Variants in NTRK2 observed in about 807,000 individuals in gnomAD.
NTRK2 encodes BDNF/NT-3 growth factors receptor.
Under a neutral mutation model 94.5 loss-of-function variants are expected in NTRK2, and 13 were observed. The ratio of observed to expected loss-of-function variants is 0.14; its 90% CI spans 0.09 to 0.22. The LOEUF is 0.22. Ranked by LOEUF, NTRK2 falls within the 10% of genes least tolerant of loss-of-function variation. The pLI is 1.00. For missense variants in NTRK2, 639 were observed against 1,071.2 expected, an observed-to-expected ratio of 0.60 and a Z score of 5.63; for synonymous variants, 372 against 407.4, an observed-to-expected ratio of 0.91 and a Z score of 1.05.
intron 12 of NTRK2, among the ~76,000 whole-genome samples, chr9:84,783,414 A>C (rs1028517066): frequency 1.1e-4 from 17 of 152,330 alleles, no homozygotes; most frequent in African/African-American, 3.6e-4. Flanking sequence ...CCTGAGTCAG[A>C]TTCATCCCTG....
chr9:84,850,047 G>A (rs557119861), intron 12 of NTRK2, among the ~76,000 whole-genome samples: 1 of 152,156 alleles, frequency 6.6e-6, no homozygotes, highest in Non-Finnish European at 1.5e-5. Flanking sequence ...GCAGAATGTG[G>A]TGTTTATCAT....
chr9:84,826,742 A>G (rs1437025428), intron 12 of NTRK2, among the ~76,000 whole-genome samples: 1 of 152,228 alleles, frequency 6.6e-6, no homozygotes, highest in African/African-American at 2.4e-5. Flanking sequence ...CAATGCATGT[A>G]TCTAGTACTT....
intron 14 of NTRK2, among the ~76,000 whole-genome samples, chr9:84,926,816 C>T (rs999548081): frequency 6.6e-6 from 1 of 152,224 alleles, no homozygotes; most frequent in African/African-American, 2.4e-5. Context: ...TTTGTCAACT[C>T]CATGCCCAAA....
intron 14 of NTRK2, chr9:84,877,922 G>C: frequency 9.8e-7 from 1 of 1,016,822 alleles, no homozygotes. Flanking sequence ...GCCTACTTTC[G>C]TCACCTGCTA....
chr9:84,736,046 C>T (rs891608225), intron 9 of NTRK2, among the ~76,000 whole-genome samples: 1 of 152,188 alleles, frequency 6.6e-6, no homozygotes. Flanking sequence ...GTGAACATCA[C>T]GTTGATGCAA....
rs77205185 is a variant in NTRK2 at position 85,023,162 on chromosome 9, A to G, written c.*1725A>G. The G allele has an allele frequency of 2.3e-3, 531 of 233,048 alleles. 7 individuals carry two copies. Among genetic ancestry groups the G allele is most frequent in the East Asian group, 0.02 (327 of 16,548 alleles). The allele number at this position is 233,048 out of a possible 1,614,324, so 14.4% of individuals were successfully genotyped here. A position where few individuals can be genotyped will look rare whatever the true frequency, so the allele number is the denominator to read the frequency against. On this transcript the variant is annotated 3_prime_UTR_variant, in exon 19 of 19. Transcript: ENST00000277120. ...AAAAGAGGGCTCAAATTTAAATAGA[A>G]ATTTACAGCTATTTGAATGGTCAGA...
At chr9:85,014,277 C>A (rs1831970204) in intron 17 of NTRK2, among the ~76,000 whole-genome samples, 1 of 152,146 alleles carries the variant, frequency 6.6e-6, no homozygotes, top group African/African-American at 2.4e-5. Context: ...ATGATAAATG[C>A]ATTTTCTAAG....
intron 12 of NTRK2, among the ~76,000 whole-genome samples, chr9:84,859,954 G>A (rs968168742): frequency 2.5e-4 from 38 of 152,230 alleles, no homozygotes; most frequent in African/African-American, 8.9e-4. Flanking sequence ...AGTAAAATTC[G>A]GATTAGAAGT....
chr9:84,882,760 A>G (rs1435713308), intron 14 of NTRK2, among the ~76,000 whole-genome samples: 1 of 151,332 alleles, frequency 6.6e-6, no homozygotes, highest in Non-Finnish European at 1.5e-5. Context: ...AACTAGAAAT[A>G]CTTTCTTTTA....
At chr9:84,826,300 C>A (rs2073184645) in intron 12 of NTRK2, among the ~76,000 whole-genome samples, 2 of 152,214 alleles carry the variant, frequency 1.3e-5, no homozygotes, top group African/African-American at 4.8e-5. Context: ...AGCTGTATCA[C>A]TCCAGTCACT....
At chr9:84,743,712 G>GTAT (rs1419851028) in intron 10 of NTRK2, among the ~76,000 whole-genome samples, 1 of 152,086 alleles carries the variant, frequency 6.6e-6, no homozygotes, top group African/African-American at 2.4e-5. Flanking sequence ...GGATCTTTTG[G>GTAT]CCAAAATGTC....
At chr9:84,732,464 G>C (rs1360364836) in intron 9 of NTRK2, among the ~76,000 whole-genome samples, 2 of 152,210 alleles carry the variant, frequency 1.3e-5, no homozygotes, top group African/African-American at 2.4e-5. Context: ...GAGCAACCAG[G>C]AGTGAGCCTC....
At position 84,986,159 on chromosome 9, in the gene NTRK2, A is replaced by G. The variant is rs554339431; in HGVS notation, c.2172+30642A>G. On this transcript the variant is annotated intron_variant, in intron 17 of 18. Coordinates refer to ENST00000277120, the MANE Select transcript of NTRK2 (RefSeq NM_006180.6). Reference sequence around the variant, plus strand: ...GACTACCCTTTCACAAACAGCCCCCAAACCGTGTGATGTTGTGACATTTTC... The same window carrying G: ...GACTACCCTTTCACAAACAGCCCCCGAACCGTGTGATGTTGTGACATTTTC... Among the ~76,000 whole-genome samples the G allele has an allele frequency of 3.7e-4, 56 of 152,174 alleles. No homozygotes were observed. In the South Asian group the frequency reaches 8.3e-3, roughly 23 times the overall value.
intron 12 of NTRK2, among the ~76,000 whole-genome samples, chr9:84,777,528 A>G (rs1454410124): frequency 6.6e-6 from 1 of 152,226 alleles, no homozygotes; most frequent in African/African-American, 2.4e-5. Flanking sequence ...CTCAGCTCTC[A>G]AAGAACAAGA....
chr9:84,863,333 A>G (rs1240788224), intron 13 of NTRK2, among the ~76,000 whole-genome samples: 8 of 152,210 alleles, frequency 5.3e-5, no homozygotes, highest in Admixed American at 5.2e-4. Flanking sequence ...AATGGGCTAA[A>G]AATGTTTCCA....
intron 17 of NTRK2, among the ~76,000 whole-genome samples, chr9:84,975,637 T>C (rs1826747674): frequency 6.6e-6 from 1 of 152,206 alleles, no homozygotes; most frequent in Admixed American, 6.5e-5. Flanking sequence ...TTCTTAGGTC[T>C]CAGTCTGTTT....
At chr9:84,799,780 T>G (rs2070166489) in intron 12 of NTRK2, among the ~76,000 whole-genome samples, 2 of 151,978 alleles carry the variant, frequency 1.3e-5, no homozygotes, top group African/African-American at 4.8e-5. Flanking sequence ...CAGTTGGGGG[T>G]GGGAGAGGTG....
intron 12 of NTRK2, among the ~76,000 whole-genome samples, chr9:84,780,905 C>A (rs1178656815): frequency 6.6e-6 from 1 of 152,050 alleles, no homozygotes; most frequent in East Asian, 1.9e-4. Context: ...AGGGGTATGG[C>A]AGACTTTGTG....
At chr9:84,980,873 G>A (rs532467704) in intron 17 of NTRK2, among the ~76,000 whole-genome samples, 4 of 152,186 alleles carry the variant, frequency 2.6e-5, no homozygotes, top group Non-Finnish European at 5.9e-5. Context: ...CGAAAGTCAG[G>A]GTAGGTGCAG....
Sources: gnomAD v4.1 joint callset for allele counts (sites outside exome capture counted in the v4.1 genomes callset) on GRCh38, gnomAD v4.1.1 for gene constraint, MANE v1.5 for transcripts, NCBI Gene and HGNC (gene_info 2026-07-23, HGNC 2026-07-21) for gene names.